DRGX: variants seen among roughly 807,000 people sequenced by gnomAD.
DRGX encodes dorsal root ganglia homeobox.
DRGX carries 21 observed loss-of-function variants against 28.6 expected under a neutral mutation model. The ratio of observed to expected loss-of-function variants is 0.73; its 90% CI spans 0.52 to 1.06. DRGX has a LOEUF of 1.06. Among genes scored for constraint, DRGX ranks in the 50% least tolerant of loss-of-function variants. The pLI is 0.00. For synonymous variants in DRGX, 136 were observed against 139.1 expected (o/e 0.98, Z 0.16); for missense variants, 354 against 343.9 (o/e 1.03, Z -0.23).
chr10:49,375,121 G>A (rs1849703122), intron 6 of DRGX, among the ~76,000 whole-genome samples: 1 of 152,130 alleles, frequency 6.6e-6, no homozygotes, highest in African/African-American at 2.4e-5. Flanking sequence ...AAAAAACAAG[G>A]CCAAATTCAC....
chr10:49,375,923 C>T (rs1772465637), intron 6 of DRGX, among the ~76,000 whole-genome samples: 1 of 152,144 alleles, frequency 6.6e-6, no homozygotes, highest in Non-Finnish European at 1.5e-5. Context: ...GACCCTTCTG[C>T]TCAGCTCTGT....
intron 6 of DRGX, among the ~76,000 whole-genome samples, chr10:49,368,063 C>T (rs1315975704): frequency 6.6e-6 from 1 of 152,196 alleles, no homozygotes. Flanking sequence ...CAAGCATATT[C>T]ATGTATCCTC....
chr10:49,386,642 G>A (rs754217048), intron 5 of DRGX, 38 bp downstream of exon 5: 1 of 1,576,938 alleles, frequency 6.3e-7, no homozygotes, highest in Non-Finnish European at 8.6e-7. Context: ...CTGCAGTGCT[G>A]CCCATGGCCC....
At position 49,365,444 on chromosome 10, in the gene DRGX, G is replaced by T. The variant is rs1409356282; in HGVS notation, c.*672C>A. The stretch of plus-strand genomic sequence containing the variant: ...GCAGCCCCCAGTTCATGGAGCAGGT[G>T]GCCTGGGTGATTAGCCCAGCCCCCC... On this transcript the variant is annotated 3_prime_UTR_variant, in exon 7 of 7. Transcript: ENST00000374139. The T allele has an allele frequency of 6.6e-6, 1 of 152,298 alleles. No homozygotes were observed. Among genetic ancestry groups the T allele is most frequent in the East Asian group, 1.9e-4 (1 of 5,194 alleles). The allele number at this position is 152,298 out of a possible 1,614,324, so 9.4% of individuals were successfully genotyped here. A position where few individuals can be genotyped will look rare whatever the true frequency, so the allele number is the denominator to read the frequency against.
At chr10:49,390,086 T>C (rs200652386) in intron 4 of DRGX, 47 bp downstream of exon 4, 1 of 1,534,904 alleles carries the variant, frequency 6.5e-7, no homozygotes, top group East Asian at 2.4e-5. Flanking sequence ...AAAAAAAGTT[T>C]GCCAGTTTTA....
At chr10:49,390,071 T>C in intron 4 of DRGX, 62 bp downstream of exon 4, 1 of 1,494,500 alleles carries the variant, frequency 6.7e-7, no homozygotes. Context: ...GCAGTCATGA[T>C]GTCAAAAAAA....
chr10:49,372,415 C>T (rs375246242), intron 6 of DRGX, among the ~76,000 whole-genome samples: 2 of 152,086 alleles, frequency 1.3e-5, no homozygotes, highest in South Asian at 4.1e-4. Context: ...GAAGTCTGGC[C>T]CCTGACCCCA....
At chr10:49,368,167 C>T (rs1048261278) in intron 6 of DRGX, among the ~76,000 whole-genome samples, 4 of 152,204 alleles carry the variant, frequency 2.6e-5, no homozygotes, top group African/African-American at 4.8e-5. Context: ...ATAATGTAGG[C>T]GTGGTTCATC....
intron 2 of DRGX, among the ~76,000 whole-genome samples, chr10:49,393,327 T>C (rs1252437253): frequency 6.6e-6 from 1 of 152,212 alleles, no homozygotes; most frequent in Non-Finnish European, 1.5e-5. Flanking sequence ...GCAAAACACA[T>C]ATTTTAAAAA....
intron 6 of DRGX, among the ~76,000 whole-genome samples, chr10:49,369,943 C>T (rs1272379000): frequency 3.3e-5 from 5 of 152,024 alleles, no homozygotes; most frequent in South Asian, 2.1e-4. Context: ...CCCAGTCCCA[C>T]GTCCATGGGG....
intron 6 of DRGX, among the ~76,000 whole-genome samples, chr10:49,372,393 A>C (rs1259140087): frequency 6.6e-6 from 1 of 152,188 alleles, no homozygotes; most frequent in African/African-American, 2.4e-5. Flanking sequence ...TGGTCAGAAG[A>C]AGGTGGTAGA....
chr10:49,374,825 C>G (rs1323501289), intron 6 of DRGX, among the ~76,000 whole-genome samples: 1 of 152,192 alleles, frequency 6.6e-6, no homozygotes, highest in Non-Finnish European at 1.5e-5. Context: ...ATGCCAGTGA[C>G]AAGGAGAGCT....
At chr10:49,371,929 T>C (rs1279909257) in intron 6 of DRGX, among the ~76,000 whole-genome samples, 3 of 152,136 alleles carry the variant, frequency 2.0e-5, no homozygotes, top group Non-Finnish European at 4.4e-5. Flanking sequence ...TTTCCAAGAC[T>C]GCCACAAACT....
intron 6 of DRGX, among the ~76,000 whole-genome samples, chr10:49,380,586 C>T (rs1849764174): frequency 6.6e-6 from 1 of 152,080 alleles, no homozygotes; most frequent in South Asian, 2.1e-4. Flanking sequence ...AAAACATGCC[C>T]ACAGTGAGCC....
chr10:49,372,461 C>T (rs554392182), intron 6 of DRGX, among the ~76,000 whole-genome samples: 1 of 152,202 alleles, frequency 6.6e-6, no homozygotes, highest in Admixed American at 6.5e-5. Context: ...TTCATCCACT[C>T]AAGCTTCAGC....
chr10:49,395,544 G>C (rs564819728), intron 1 of DRGX, 23 bp from the exon 2 acceptor site: 3 of 1,363,050 alleles, frequency 2.2e-6, no homozygotes, highest in South Asian at 2.5e-5. Flanking sequence ...CAGCGATAGA[G>C]CTTCAAGTCT....
chr10:49,381,815 C>T (rs564675378), intron 6 of DRGX, among the ~76,000 whole-genome samples: 1 of 152,340 alleles, frequency 6.6e-6, no homozygotes, highest in Admixed American at 6.5e-5. Flanking sequence ...GCCCGAACCT[C>T]CGTGGCCTAC....
intron 2 of DRGX, 107 bp downstream of exon 2, chr10:49,395,300 G>A: frequency 2.9e-6 from 4 of 1,401,526 alleles, no homozygotes; most frequent in Non-Finnish European, 3.9e-6. Context: ...AGGCGGCTGC[G>A]CCCCCCGCAG....
At chr10:49,372,127 A>G (rs1253079006) in intron 6 of DRGX, among the ~76,000 whole-genome samples, 1 of 152,214 alleles carries the variant, frequency 6.6e-6, no homozygotes, top group Non-Finnish European at 1.5e-5. Flanking sequence ...GTCACAAGAC[A>G]TGGTGTTTGA....
Sources: gnomAD v4.1 joint callset for allele counts (sites outside exome capture counted in the v4.1 genomes callset) on GRCh38, gnomAD v4.1.1 for gene constraint, MANE v1.5 for transcripts, NCBI Gene and HGNC (gene_info 2026-07-23, HGNC 2026-07-21) for gene names.